ICA1: variants seen among roughly 807,000 people sequenced by gnomAD.
The protein encoded by ICA1 is islet cell autoantigen 1.
In ICA1, 40 loss-of-function variants were observed where a neutral mutation model predicts 71.0. That is an observed-to-expected ratio of 0.56 (90% confidence interval 0.44 to 0.73). The LOEUF (loss-of-function observed/expected upper bound fraction) is 0.73, where lower values mean the gene tolerates loss of function less well. ICA1 is among the 30% of genes least tolerant of loss of function. ICA1 has a pLI of 0.00. For synonymous variants in ICA1, 207 were observed against 209.5 expected (o/e 0.99, Z 0.10); for missense variants, 578 against 576.5 (o/e 1.00, Z -0.03).
At chr7:8,168,845 C>G (rs530812222) in intron 6 of ICA1, among the ~76,000 whole-genome samples, 1 of 152,174 alleles carries the variant, frequency 6.6e-6, no homozygotes, top group African/African-American at 2.4e-5. Flanking sequence ...ATTATCATAT[C>G]ATCATCTTCA....
rs531329415 is a variant in ICA1 at position 8,173,630 on chromosome 7, A to C, written c.580-14978T>G. ...CATTGCTGAAGCATTCCAACTAATA[A>C]ATGAAGAAGGAATATAATCTGTTTC... On this transcript the variant is annotated intron_variant, in intron 6 of 13. Transcript: ENST00000402384. The surrounding 1 kb of genome is among the most constrained non-coding windows in gnomAD (Gnocchi z 4.0). Among the ~76,000 whole-genome samples the C allele has an allele frequency of 2.0e-5, 3 of 152,336 alleles. No individual in the cohort carries two copies. The East Asian group carries it at 5.8e-4, about 29-fold the overall frequency.
chr7:8,199,920 G>C (rs925238517), intron 6 of ICA1, among the ~76,000 whole-genome samples: 1 of 152,150 alleles, frequency 6.6e-6, no homozygotes, highest in African/African-American at 2.4e-5. Flanking sequence ...AAGGGTAATG[G>C]GAAGTGGGAA....
intron 1 of ICA1, among the ~76,000 whole-genome samples, chr7:8,244,943 A>T (rs1322224946): frequency 6.6e-6 from 1 of 152,176 alleles, no homozygotes; most frequent in Non-Finnish European, 1.5e-5. Flanking sequence ...AAACAGGAAC[A>T]CTTTTACACT....
At chr7:8,221,202 C>T in intron 5 of ICA1, 73 bp downstream of exon 5, 1 of 1,582,908 alleles carries the variant, frequency 6.3e-7, no homozygotes, top group Non-Finnish European at 8.7e-7. Context: ...CTGTGAGATT[C>T]CCTTTCGTGA....
chr7:8,230,393 C>A (rs79660312), intron 3 of ICA1, among the ~76,000 whole-genome samples: 1 of 152,126 alleles, frequency 6.6e-6, no homozygotes, highest in Non-Finnish European at 1.5e-5. Context: ...ACTCAAGGTA[C>A]GAACATCAAA....
intron 12 of ICA1, among the ~76,000 whole-genome samples, chr7:8,128,638 G>T (rs1345755157): frequency 7.3e-5 from 1 of 13,686 alleles, no homozygotes; most frequent in African/African-American, 3.5e-4. Flanking sequence ...CAGTGAAGGG[G>T]AGGATGTCCA....
Position 8,221,358 on chromosome 7 carries a change from T to A in ICA1, c.297A>T (p.Arg99=), listed in dbSNP as rs770525045. The A allele has an allele frequency of 1.4e-5, 23 of 1,613,714 alleles. No individual in the cohort carries two copies. Among genetic ancestry groups the A allele is most frequent in the Non-Finnish European group, 1.9e-5 (23 of 1,179,718 alleles). ...QEENELGKFL[R]SQGFQDKTRA... ...TGGTTTTATCTTGGAAACCTTGGGA[T>A]CGAAGAAATTTTCCCAGTTCGTTTT... The change falls in exon 5 of 14, where the codon CGA becomes CGT. Residue 99 remains arginine (R), a synonymous_variant. Transcript: ENST00000402384.
intron 6 of ICA1, among the ~76,000 whole-genome samples, chr7:8,201,665 A>G (rs930058609): frequency 4.6e-5 from 7 of 152,220 alleles, no homozygotes; most frequent in Non-Finnish European, 2.9e-5. Context: ...AGGTTTCTCC[A>G]TAAGCTTTTG....
rs562661362 is a variant in ICA1, at chr7:8,131,730, G to A, written c.1061-3588C>T. Among the ~76,000 whole-genome samples the A allele has an allele frequency of 3.3e-5, 5 of 152,288 alleles. No individual in the cohort carries two copies. In the East Asian group the frequency reaches 5.8e-4, roughly 18 times the overall value. On this transcript the variant is annotated intron_variant, in intron 12 of 13. Transcript: ENST00000402384. ...AATCTAACTACAAGTAGAAAAGGAC[G>A]GGTTCAGGTCTGTAACCAGACAAGT...
At chr7:8,131,151 T>G (rs759050936) in intron 12 of ICA1, among the ~76,000 whole-genome samples, 5 of 152,128 alleles carry the variant, frequency 3.3e-5, no homozygotes, top group Non-Finnish European at 7.4e-5. Context: ...AGATGCAAAT[T>G]TCAGGCTCCC....
rs970124467 is a variant in ICA1 at position 8,234,388 on chromosome 7, C to T, written c.17+1522G>A. On this transcript the variant is annotated intron_variant, in intron 2 of 13. Transcript: ENST00000402384. This position sits in a 1 kb window ranked among gnomAD's most constrained non-coding sequence, Gnocchi z 4.5. ...TCCTCTTTGGACCTAGAGTCCCTGCCCCAAAGGCTCCCCTGACCCCCCCAG... is the reference window on the plus strand; with the variant it reads ...TCCTCTTTGGACCTAGAGTCCCTGCTCCAAAGGCTCCCCTGACCCCCCCAG... Among the ~76,000 whole-genome samples the T allele has an allele frequency of 5.9e-5, 9 of 152,240 alleles. No homozygotes were observed. The highest frequency in any genetic ancestry group is 2.6e-4 in the Admixed American group (4 of 15,296).
At chr7:8,143,717 C>T (rs11767851) in intron 9 of ICA1, among the ~76,000 whole-genome samples, 158 bp downstream of exon 9, 132,047 of 152,158 alleles carry the variant, frequency 0.87, 58,165 homozygotes, top group East Asian at 1. Flanking sequence ...CAGGAGCATG[C>T]GTTAAAGGGG....
At chr7:8,171,479 T>C (rs1808322211) in intron 6 of ICA1, among the ~76,000 whole-genome samples, 1 of 151,954 alleles carries the variant, frequency 6.6e-6, no homozygotes, top group South Asian at 2.1e-4. Context: ...TCTATAGTAA[T>C]GTCCTCCTTA....
chr7:8,135,189 G>C (rs1792976939), intron 12 of ICA1, among the ~76,000 whole-genome samples: 1 of 152,006 alleles, frequency 6.6e-6, no homozygotes, highest in African/African-American at 2.4e-5. Flanking sequence ...ACCAGGCCTG[G>C]CTAATTTTTG....
intron 6 of ICA1, among the ~76,000 whole-genome samples, chr7:8,160,619 T>C (rs1395789437): frequency 6.6e-6 from 1 of 152,230 alleles, no homozygotes; most frequent in Non-Finnish European, 1.5e-5. Context: ...ACTACACTGA[T>C]AGAAAGAATT....
At chr7:8,192,755 A>G (rs1471870306) in intron 6 of ICA1, among the ~76,000 whole-genome samples, 1 of 152,224 alleles carries the variant, frequency 6.6e-6, no homozygotes, top group Non-Finnish European at 1.5e-5. Context: ...GTTTGTTTAT[A>G]TCAAAGTAGC....
At chr7:8,221,749 T>C (rs1797165625) in intron 4 of ICA1, among the ~76,000 whole-genome samples, 2 of 152,196 alleles carry the variant, frequency 1.3e-5, no homozygotes, top group African/African-American at 2.4e-5. Context: ...TGGGAATCTT[T>C]TGTGGCTGCC....
chr7:8,152,213 G>A (rs1284167187), intron 8 of ICA1, among the ~76,000 whole-genome samples: 1 of 151,992 alleles, frequency 6.6e-6, no homozygotes, highest in Non-Finnish European at 1.5e-5. Flanking sequence ...GGTGAGATCT[G>A]GCCAGACCTC....
intron 6 of ICA1, among the ~76,000 whole-genome samples, chr7:8,165,108 C>A (rs1805426355): frequency 6.6e-6 from 1 of 152,120 alleles, no homozygotes; most frequent in Admixed American, 6.5e-5. Flanking sequence ...CACCCCAAAA[C>A]AGAAGGTCAG....
Sources: allele counts gnomAD v4.1 joint callset (sites outside exome capture counted in the v4.1 genomes callset), GRCh38; gene constraint gnomAD v4.1.1; non-coding constraint Gnocchi (gnomAD v3.1); transcripts MANE v1.5; gene names NCBI Gene and HGNC (gene_info 2026-07-23, HGNC 2026-07-21).